The following NRG3 variants were observed in gnomAD, a reference collection of about 807,000 sequenced individuals.
NRG3 encodes the protein pro-neuregulin-3, membrane-bound isoform.
In NRG3, 31 loss-of-function variants were observed where a neutral mutation model predicts 66.9. That is an observed-to-expected ratio of 0.46 (90% confidence interval 0.35 to 0.63). The LOEUF (loss-of-function observed/expected upper bound fraction) is 0.63. Among genes scored for constraint, NRG3 ranks in the 20% least tolerant of loss-of-function variants. The pLI is 0.00. For synonymous variants in NRG3, 393 were observed against 359.4 expected, an observed-to-expected ratio of 1.09 and a Z score of -1.06; for missense variants, 910 against 878.9, an observed-to-expected ratio of 1.04 and a Z score of -0.45.
At chr10:82,079,265 G>T (rs1015936633) in intron 1 of NRG3, among the ~76,000 whole-genome samples, 4 of 151,530 alleles carry the variant, frequency 2.6e-5, no homozygotes, top group Admixed American at 6.6e-5. Context: ...GGCTGGTCTC[G>T]AACTCCAGGT....
intron 3 of NRG3, among the ~76,000 whole-genome samples, chr10:82,745,952 C>T (rs1342964423): frequency 6.6e-6 from 1 of 152,128 alleles, no homozygotes; most frequent in Non-Finnish European, 1.5e-5. Context: ...AGTGCAATGG[C>T]ATGATCTTGG....
At chr10:82,092,048 G>C (rs1729908033) in intron 1 of NRG3, among the ~76,000 whole-genome samples, 1 of 152,142 alleles carries the variant, frequency 6.6e-6, no homozygotes, top group African/African-American at 2.4e-5. Context: ...TATTACTATA[G>C]TTAACATTTT....
chr10:82,145,069 A>C (rs964622813), intron 1 of NRG3, among the ~76,000 whole-genome samples: 2 of 152,128 alleles, frequency 1.3e-5, no homozygotes, highest in Non-Finnish European at 2.9e-5. Flanking sequence ...TTTAAAGGGG[A>C]TGCAGCTGTC....
chr10:82,750,485 G>C (rs1383257008), intron 3 of NRG3, among the ~76,000 whole-genome samples: 2 of 151,990 alleles, frequency 1.3e-5, no homozygotes, highest in Non-Finnish European at 2.9e-5. Context: ...AGAGACACAG[G>C]GTTCTGAATT....
At chr10:82,587,184 A>G (rs1291878467) in intron 2 of NRG3, among the ~76,000 whole-genome samples, 2 of 152,226 alleles carry the variant, frequency 1.3e-5, no homozygotes, top group South Asian at 2.1e-4. Flanking sequence ...TTGAATGCAG[A>G]CACAGATCTG....
chr10:82,694,460 A>T (rs1377555032), intron 2 of NRG3, among the ~76,000 whole-genome samples: 1 of 152,154 alleles, frequency 6.6e-6, no homozygotes, highest in Non-Finnish European at 1.5e-5. Flanking sequence ...ATTTCTTAAG[A>T]ATACTCAAAC....
chr10:82,228,196 A>G (rs942854016), intron 1 of NRG3, among the ~76,000 whole-genome samples: 4 of 152,206 alleles, frequency 2.6e-5, no homozygotes, highest in Admixed American at 2.0e-4. Context: ...CTATGACACA[A>G]AATACAATAC....
At chr10:82,109,908 T>C (rs1228849095) in intron 1 of NRG3, among the ~76,000 whole-genome samples, 1 of 152,156 alleles carries the variant, frequency 6.6e-6, no homozygotes, top group Admixed American at 6.6e-5. Flanking sequence ...GACCTGGCTG[T>C]CTGATACTAG....
At chr10:82,284,821 G>C (rs1323994975) in intron 1 of NRG3, among the ~76,000 whole-genome samples, 1 of 152,058 alleles carries the variant, frequency 6.6e-6, no homozygotes, top group African/African-American at 2.4e-5. Flanking sequence ...ACCTCACTCA[G>C]TACTGGATCT....
intron 2 of NRG3, among the ~76,000 whole-genome samples, chr10:82,457,883 C>A (rs149051711): frequency 1.3e-5 from 2 of 152,180 alleles, no homozygotes; most frequent in African/African-American, 4.8e-5. Context: ...CTGATTTTTC[C>A]GCTAAGAAAA....
chr10:82,960,660 G>T (rs1441441547), intron 6 of NRG3, among the ~76,000 whole-genome samples: 2 of 151,832 alleles, frequency 1.3e-5, no homozygotes, highest in Non-Finnish European at 2.9e-5. Flanking sequence ...AGTGAAAATG[G>T]CCTGTTCCTG....
chr10:82,665,307 C>A (rs1459298984), intron 2 of NRG3, among the ~76,000 whole-genome samples: 1 of 152,160 alleles, frequency 6.6e-6, no homozygotes, highest in East Asian at 1.9e-4. Context: ...CTTTGAGATA[C>A]AACATATCAC....
At chr10:82,279,619 T>C (rs2079030394) in intron 1 of NRG3, among the ~76,000 whole-genome samples, 1 of 152,224 alleles carries the variant, frequency 6.6e-6, no homozygotes, top group African/African-American at 2.4e-5. Context: ...GATGTGTAAA[T>C]GATTTTCCTT....
chr10:82,475,438 T>C (rs1012771795), intron 2 of NRG3, among the ~76,000 whole-genome samples: 2 of 151,994 alleles, frequency 1.3e-5, no homozygotes, highest in African/African-American at 2.4e-5. Context: ...CATATAATTA[T>C]CCAAGACATT....
chr10:82,792,182 C>T (rs2060615304), intron 3 of NRG3, among the ~76,000 whole-genome samples: 1 of 152,126 alleles, frequency 6.6e-6, no homozygotes, highest in South Asian at 2.1e-4. Context: ...TGTTACCTAT[C>T]TTTCATTGAT....
intron 1 of NRG3, among the ~76,000 whole-genome samples, chr10:82,179,125 T>A (rs1270131555): frequency 3.9e-5 from 6 of 152,022 alleles, no homozygotes; most frequent in East Asian, 3.8e-4. Flanking sequence ...GGAGTTTTTT[T>A]AAAAATTATA....
intron 1 of NRG3, among the ~76,000 whole-genome samples, chr10:82,287,705 G>C (rs1026108762): frequency 1.3e-5 from 2 of 152,236 alleles, no homozygotes; most frequent in African/African-American, 4.8e-5. Context: ...TGTGTTCTGG[G>C]TTCAGGCTGG....
intron 3 of NRG3, among the ~76,000 whole-genome samples, chr10:82,778,120 G>A (rs1197079566): frequency 6.6e-6 from 1 of 152,116 alleles, no homozygotes; most frequent in Non-Finnish European, 1.5e-5. Context: ...ATTGCTTCAG[G>A]CACTGAGCGG....
intron 1 of NRG3, among the ~76,000 whole-genome samples, chr10:82,059,916 C>T (rs1207858077): frequency 6.6e-6 from 1 of 152,132 alleles, no homozygotes; most frequent in Non-Finnish European, 1.5e-5. Flanking sequence ...TATGTTGTAA[C>T]TTAGTATAGA....
Sources: allele counts gnomAD v4.1 joint callset (sites outside exome capture counted in the v4.1 genomes callset), GRCh38; gene constraint gnomAD v4.1.1; transcripts MANE v1.5; gene names NCBI Gene and HGNC (gene_info 2026-07-23, HGNC 2026-07-21).